NEU4: variants seen among roughly 807,000 people sequenced by gnomAD.
NEU4 encodes neuraminidase 4.
Under a neutral mutation model 9.9 loss-of-function variants are expected in NEU4, and 7 were observed. The observed-to-expected ratio is 0.71, with a 90% CI of 0.40 to 1.33. The LOEUF is 1.33. NEU4 is among the 40% of genes most tolerant of loss of function. The pLI is 0.01. For missense variants in NEU4, 717 were observed against 712.6 expected, an observed-to-expected ratio of 1.01 and a Z score of -0.07; for synonymous variants, 348 against 316.9, an observed-to-expected ratio of 1.10 and a Z score of -1.04.
chr2:241,817,133 G>T lies in NEU4; in HGVS notation c.*85G>T. On this transcript the variant is annotated 3_prime_UTR_variant, in exon 4 of 4. Coordinates refer to ENST00000407683, the MANE Select transcript of NEU4 (RefSeq NM_001167600.3). Reference sequence around the variant, plus strand: ...TGGGGTGCCCCACGATAGCTGTGGGGGGGGCTCTTAGTGCAGGATCCTGTG... The same window carrying T: ...TGGGGTGCCCCACGATAGCTGTGGGTGGGGCTCTTAGTGCAGGATCCTGTG... 1.5e-6 allele frequency: 2 copies of T among 1,373,248 alleles called. No homozygotes were observed. Among genetic ancestry groups the T allele is most frequent in the South Asian group, 1.5e-5 (1 of 67,108 alleles). 85.1% of individuals were successfully genotyped at this position (1,373,248 alleles called of 1,614,324 possible).
chr2:241,814,448 T>G, intron 1 of NEU4, 34 bp from the exon 2 acceptor site: 1 of 1,592,634 alleles, frequency 6.3e-7, no homozygotes, highest in Non-Finnish European at 8.6e-7. Context: ...CCTGGGCCTG[T>G]CTTGCTGACC....
chr2:241,809,408 G>A (rs568986561), intron 1 of NEU4, 134 bp downstream of exon 1: 49 of 426,046 alleles, frequency 1.2e-4, no homozygotes, highest in East Asian at 7.3e-4. Flanking sequence ...CTGCCACGTC[G>A]TGCAGCCCAT....
rs149124108 is a variant in NEU4 at position 241,814,955 on chromosome 2, C to T, written c.265C>T (p.Pro89Ser). The T allele has an allele frequency of 6.2e-4, 1,005 of 1,611,804 alleles. 1 individual carries two copies. The highest frequency in any genetic ancestry group is 8.0e-4 in the Non-Finnish European group (944 of 1,179,836). ...GGAGCACCGGTCCATGAACCCCTGC[C>T]CTGTGCACGATGCTGGCACGGGCAC... ...LAEHRSMNPC[P>S]VHDAGTGTVF... Residue 89 changes from proline (P) to serine (S), a missense_variant, in exon 3 of 4, where the codon CCT becomes TCT. Coordinates refer to ENST00000407683, the MANE Select transcript of NEU4 (RefSeq NM_001167600.3).
At chr2:241,813,490 C>G in intron 1 of NEU4, 3 of 1,180,290 alleles carry the variant, frequency 2.5e-6, no homozygotes, top group Non-Finnish European at 3.2e-6. Flanking sequence ...TGCCTTTGTG[C>G]GATCAGACTG....
chr2:241,814,871 G>T (rs780688829), intron 2 of NEU4, 21 bp from the exon 3 acceptor site: 1 of 1,595,768 alleles, frequency 6.3e-7, no homozygotes, highest in South Asian at 1.1e-5. Flanking sequence ...CCTGGTCAGC[G>T]GAACTTCCTC....
chr2:241,815,830 G>A (rs1180553839), intron 3 of NEU4: 1 of 601,514 alleles, frequency 1.7e-6, no homozygotes, highest in African/African-American at 1.9e-5. Flanking sequence ...CAGCCTCCCT[G>A]GGTGCCGTCC....
rs1176594702 is a variant in NEU4 at position 241,816,103 on chromosome 2, C to T, written c.510C>T (p.Gly170=). 4 of 1,610,488 alleles carry T rather than the reference C, an allele frequency of 2.5e-6. No individual in the cohort carries two copies. The African/African-American group carries it at 5.3e-5, about 22-fold the overall frequency. The change falls in exon 4 of 4, where the codon GGC becomes GGT. Residue 170 remains glycine, a synonymous_variant. Coordinates refer to ENST00000407683, the MANE Select transcript of NEU4 (RefSeq NM_001167600.3). ...GCCACGGTGTGCAGCTGCCCTCAGG[C>T]CGCCTGCTGGTACCCGCCTACACCT... ...GPGHGVQLPS[G]RLLVPAYTYR...
chr2:241,814,080 A>C (rs1455501508), intron 1 of NEU4: 1 of 499,456 alleles, frequency 2.0e-6, no homozygotes, highest in South Asian at 1.6e-5. Context: ...TTGGGTCCTC[A>C]TTGTCCACAT....
Position 241,816,883 on chromosome 2 carries a change from G to T in NEU4, c.1290G>T (p.Glu430Asp). The T allele has an allele frequency of 6.2e-7, 1 of 1,611,834 alleles. No homozygotes were observed. Among genetic ancestry groups the T allele is most frequent in the Non-Finnish European group, 8.5e-7 (1 of 1,179,118 alleles). The change falls in exon 4 of 4, where the codon GAG (glutamate) becomes GAT (aspartate). Residue 430 changes from glutamate to aspartate, a missense_variant. Physicochemically the swap from Glu to Asp is conservative, Grantham distance 45 (BLOSUM62 2). Transcript: ENST00000407683. ...TGGCGTCCATCGGGCCGGCCCCTGAGGGGGGCCTGGTTTTTGCCTGCCTGT... is the reference window on the plus strand; with the variant it reads ...TGGCGTCCATCGGGCCGGCCCCTGATGGGGGCCTGGTTTTTGCCTGCCTGT... ...SDLASIGPAPEGGLVFACLYE... is the reference protein window; with the variant it reads ...SDLASIGPAPDGGLVFACLYE...
chr2:241,815,518 C>A (rs367663473), intron 3 of NEU4: 3 of 516,006 alleles, frequency 5.8e-6, no homozygotes, highest in East Asian at 6.1e-5. Flanking sequence ...TCTCATCCCC[C>A]CCGCTAATCT....
chr2:241,816,083 G>C lies in NEU4; in HGVS notation c.490G>C (p.Gly164Arg). Residue 164 changes from glycine (G) to arginine (R), a missense_variant, in exon 4 of 4, where the codon GGT becomes CGT. Gly to Arg is a moderately radical substitution (Grantham distance 125, BLOSUM62 -2). Coordinates refer to ENST00000407683, the MANE Select transcript of NEU4 (RefSeq NM_001167600.3). Reference sequence around the variant, plus strand: ...CACATTCGCTGTGGGTCCCGGCCACGGTGTGCAGCTGCCCTCAGGCCGCCT... The same window carrying C: ...CACATTCGCTGTGGGTCCCGGCCACCGTGTGCAGCTGCCCTCAGGCCGCCT... ...WATFAVGPGH[G>R]VQLPSGRLLV... 1.9e-6 allele frequency: 3 copies of C among 1,609,524 alleles called. No homozygotes were observed. Among genetic ancestry groups the C allele is most frequent in the Non-Finnish European group, 2.5e-6 (3 of 1,178,648 alleles).
At chr2:241,813,430 C>T in intron 1 of NEU4, 17 of 1,112,898 alleles carry the variant, frequency 1.5e-5, no homozygotes, top group Non-Finnish European at 1.9e-5. Context: ...CTGTCTGCAG[C>T]TGTGCCACCT....
chr2:241,811,854 C>T (rs111708421), intron 1 of NEU4: 1 of 209,392 alleles, frequency 4.8e-6, no homozygotes, highest in African/African-American at 2.3e-5. Flanking sequence ...GGACGCTCTA[C>T]CAGGTGAAGG....
intron 3 of NEU4, 152 bp from the exon 4 acceptor site, chr2:241,815,899 C>T (rs889163180): frequency 1.8e-5 from 14 of 762,662 alleles, no homozygotes; most frequent in African/African-American, 1.1e-4. Flanking sequence ...GGACTCAGGG[C>T]GGCTGGGATG....
At position 241,814,635 on chromosome 2, in the gene NEU4, G is replaced by A. The variant is rs533594453; in HGVS notation, c.151G>A (p.Ala51Thr). ...GCGGCTCAGCCCTGACGACTCCCAC[G>A]CCCACCGCCTGGTGCTGAGGAGGGG... ...EQRLSPDDSH[A>T]HRLVLRRGTL... The change falls in exon 2 of 4, where the codon GCC becomes ACC. Residue 51 changes from alanine to threonine, a missense_variant. Ala to Thr is a moderately conservative substitution (Grantham distance 58). Coordinates refer to ENST00000407683, the MANE Select transcript of NEU4 (RefSeq NM_001167600.3). The A allele has an allele frequency of 3.3e-5, 52 of 1,593,304 alleles. 1 individual carries two copies. In the East Asian group the frequency reaches 4.3e-4, roughly 13 times the overall value.
At chr2:241,814,425 G>C in intron 1 of NEU4, 57 bp from the exon 2 acceptor site, 1 of 1,533,562 alleles carries the variant, frequency 6.5e-7, no homozygotes, top group Non-Finnish European at 9.0e-7. Flanking sequence ...GACCGGGAGC[G>C]AGTGTGGGGC....
At position 241,814,894 on chromosome 2, in the gene NEU4, G is replaced by C. The variant is rs534139780; in HGVS notation, c.204G>C (p.Trp68Cys). 1.2e-6 allele frequency: 2 copies of C among 1,608,366 alleles called. No homozygotes were observed. The highest frequency in any genetic ancestry group is 4.5e-5 in the East Asian group (2 of 44,762). Reference protein sequence around the residue: ...RGTLAGGSVRWGALHVLGTAA... With the variant: ...RGTLAGGSVRCGALHVLGTAA... Reference sequence around the variant, plus strand: ...GCGGAACTTCCTCCTCTGGGCAGTGGGGTGCCCTGCACGTGCTGGGGACAG... The same window carrying C: ...GCGGAACTTCCTCCTCTGGGCAGTGCGGTGCCCTGCACGTGCTGGGGACAG... The change falls in exon 3 of 4, where the codon TGG (tryptophan) becomes TGC (cysteine). Residue 68 changes from tryptophan (W) to cysteine (C), a missense_variant and splice_region_variant. Physicochemically the swap from Trp to Cys is radical, Grantham distance 215 (BLOSUM62 -2). Coordinates refer to ENST00000407683, the MANE Select transcript of NEU4 (RefSeq NM_001167600.3).
Position 241,814,518 on chromosome 2 carries a change from C to CT in NEU4, c.35dup (p.Phe13LeufsTer35), listed in dbSNP as rs1197707851. 2 of 1,611,020 alleles carry CT rather than the reference C, an allele frequency of 1.2e-6. No homozygotes were observed. Among genetic ancestry groups the CT allele is most frequent in the Non-Finnish European group, 1.7e-6 (2 of 1,178,532 alleles). On this transcript the variant is annotated frameshift_variant, in exon 2 of 4. Coordinates refer to ENST00000407683, the MANE Select transcript of NEU4 (RefSeq NM_001167600.3). LOFTEE classifies it high-confidence loss of function. ...CCCTCGTACCCCTTCACGGACAGTGCTCTTCGAGCGGGAGAGGACGGGCCT... is the reference window on the plus strand; with the variant it reads ...CCCTCGTACCCCTTCACGGACAGTGCTTCTTCGAGCGGGAGAGGACGGGCCT...
At chr2:241,814,417 C>G in intron 1 of NEU4, 65 bp from the exon 2 acceptor site, 1 of 1,504,348 alleles carries the variant, frequency 6.6e-7, no homozygotes. Context: ...CCAGTCCAGA[C>G]CGGGAGCGAG....
Sources: gnomAD v4.1 joint callset for allele counts on GRCh38, gnomAD v4.1.1 for gene constraint, MANE v1.5 for transcripts, NCBI Gene and HGNC (gene_info 2026-07-23, HGNC 2026-07-21) for gene names.